The following PLSCR4 variants were observed in gnomAD, a reference collection of about 807,000 sequenced individuals.
PLSCR4 encodes the protein Ca(2+)-dependent phospholipid scramblase 4.
In PLSCR4, 25 loss-of-function variants were observed where a neutral mutation model predicts 36.3. The observed-to-expected ratio is 0.69, with a 90% CI of 0.50 to 0.96. The LOEUF (loss-of-function observed/expected upper bound fraction) is 0.96, where lower values mean the gene tolerates loss of function less well. Among genes scored for constraint, PLSCR4 ranks in the 40% least tolerant of loss-of-function variants. PLSCR4 has a pLI of 0.00. For missense variants in PLSCR4, 408 were observed against 414.7 expected, an observed-to-expected ratio of 0.98 and a Z score of 0.14; for synonymous variants, 122 against 132.9, an observed-to-expected ratio of 0.92 and a Z score of 0.56.
intron 1 of PLSCR4, among the ~76,000 whole-genome samples, chr3:146,232,718 T>C (rs1302788134): frequency 6.6e-6 from 1 of 152,182 alleles, no homozygotes; most frequent in East Asian, 1.9e-4. Flanking sequence ...TGAAGTTGTT[T>C]ATCAGTTCTA....
intron 2 of PLSCR4, 91 bp downstream of exon 2, chr3:146,221,974 A>G (rs1454573280): frequency 3.2e-6 from 2 of 629,640 alleles, no homozygotes; most frequent in Non-Finnish European, 5.2e-6. Flanking sequence ...TAAACAAAAA[A>G]AAATCGAAAT....
At chr3:146,205,775 C>A (rs917372569) in intron 4 of PLSCR4, among the ~76,000 whole-genome samples, 1 of 151,980 alleles carries the variant, frequency 6.6e-6, no homozygotes, top group African/African-American at 2.4e-5. Flanking sequence ...CCTGGTTGAC[C>A]ATTGGTAACT....
At chr3:146,243,209 T>C (rs2036216374) in intron 1 of PLSCR4, among the ~76,000 whole-genome samples, 1 of 152,128 alleles carries the variant, frequency 6.6e-6, no homozygotes, top group Admixed American at 6.5e-5. Flanking sequence ...AAACTCCTGC[T>C]AACAATATGC....
At chr3:146,232,774 T>C (rs978834143) in intron 1 of PLSCR4, among the ~76,000 whole-genome samples, 5 of 152,180 alleles carry the variant, frequency 3.3e-5, no homozygotes, top group African/African-American at 1.2e-4. Context: ...TACAGAATCA[T>C]ATGATCTGTG....
intron 1 of PLSCR4, among the ~76,000 whole-genome samples, chr3:146,236,106 T>A (rs2035904170): frequency 1.3e-5 from 2 of 151,916 alleles, no homozygotes; most frequent in Admixed American, 1.3e-4. Context: ...AAAAAAACCA[T>A]TTTCAGGGGA....
chr3:146,223,958 A>T (rs1559917200), intron 1 of PLSCR4, among the ~76,000 whole-genome samples: 2 of 145,320 alleles, frequency 1.4e-5, no homozygotes, highest in African/African-American at 2.5e-5. Context: ...TAAATAATAA[A>T]TATTTATTTA....
chr3:146,231,705 GTTGT>G (rs1021467813), intron 1 of PLSCR4, among the ~76,000 whole-genome samples: 2 of 151,956 alleles, frequency 1.3e-5, no homozygotes, highest in Non-Finnish European at 2.9e-5. Flanking sequence ...TTTTAATGGG[GTTGT>G]TTTTCACTTG....
intron 3 of PLSCR4, among the ~76,000 whole-genome samples, chr3:146,209,280 G>C (rs915686468): frequency 6.6e-6 from 1 of 151,960 alleles, no homozygotes; most frequent in African/African-American, 2.4e-5. Context: ...ATGGGAAGGG[G>C]GTGAGGGATA....
intron 1 of PLSCR4, among the ~76,000 whole-genome samples, chr3:146,239,558 C>T (rs1354442194): frequency 6.6e-6 from 1 of 150,376 alleles, no homozygotes; most frequent in African/African-American, 2.4e-5. Context: ...CCTACAATAC[C>T]CAATACAAAT....
intron 1 of PLSCR4, among the ~76,000 whole-genome samples, chr3:146,243,967 G>A (rs1331195025): frequency 6.6e-6 from 1 of 152,140 alleles, no homozygotes; most frequent in Admixed American, 6.5e-5. Flanking sequence ...TTCCGACACA[G>A]GCATTCTGGA....
chr3:146,203,949 T>C (rs1449407668), intron 4 of PLSCR4, among the ~76,000 whole-genome samples: 2 of 152,088 alleles, frequency 1.3e-5, no homozygotes, highest in Non-Finnish European at 1.5e-5. Context: ...GCTTTTGGCC[T>C]ATCTCAACTT....
intron 1 of PLSCR4, among the ~76,000 whole-genome samples, chr3:146,247,542 T>C (rs1371460742): frequency 6.6e-6 from 1 of 152,244 alleles, no homozygotes; most frequent in Non-Finnish European, 1.5e-5. Flanking sequence ...TTTTCATTTG[T>C]CTTCTTTATA....
At position 146,193,534 on chromosome 3, in the gene PLSCR4, T is replaced by C. The variant is rs557974880; in HGVS notation, c.*877A>G. On this transcript the variant is annotated 3_prime_UTR_variant, in exon 9 of 9. Coordinates refer to ENST00000354952, the MANE Select transcript of PLSCR4 (RefSeq NM_020353.3). ...AAGGTGTACTAGGCAATCTTAGAGATCTGGCAACTTATTTTATATATAAGG... is the reference window on the plus strand; with the variant it reads ...AAGGTGTACTAGGCAATCTTAGAGACCTGGCAACTTATTTTATATATAAGG... 15 of 152,284 alleles carry C rather than the reference T, an allele frequency of 9.9e-5. No individual in the cohort carries two copies. Among genetic ancestry groups the C allele is most frequent in the African/African-American group, 3.1e-4 (13 of 41,544 alleles). The allele number at this position is 152,284 out of a possible 1,614,324, so 9.4% of individuals were successfully genotyped here.
At chr3:146,244,702 CCT>C (rs1219380233) in intron 1 of PLSCR4, among the ~76,000 whole-genome samples, 2 of 151,996 alleles carry the variant, frequency 1.3e-5, no homozygotes, top group African/African-American at 4.8e-5. Flanking sequence ...CTCCCTATTC[CCT>C]GAGACAAAAC....
intron 1 of PLSCR4, among the ~76,000 whole-genome samples, chr3:146,243,328 CCTGA>C (rs894105376): frequency 6.6e-6 from 1 of 151,886 alleles, no homozygotes; most frequent in Non-Finnish European, 1.5e-5. Flanking sequence ...TCATCATGAT[CCTGA>C]CTATGCTCCA....
chr3:146,216,989 A>G (rs2034927817), intron 3 of PLSCR4, among the ~76,000 whole-genome samples: 1 of 152,150 alleles, frequency 6.6e-6, no homozygotes, highest in Non-Finnish European at 1.5e-5. Context: ...TCCTAATACT[A>G]TCTGAAAACA....
At chr3:146,247,073 G>A (rs1258873462) in intron 1 of PLSCR4, among the ~76,000 whole-genome samples, 1 of 151,898 alleles carries the variant, frequency 6.6e-6, no homozygotes, top group Non-Finnish European at 1.5e-5. Context: ...AAAATGTCTT[G>A]ATGTTAATTA....
chr3:146,197,544 A>G (rs1576446165), intron 6 of PLSCR4, among the ~76,000 whole-genome samples: 1 of 152,188 alleles, frequency 6.6e-6, no homozygotes, highest in East Asian at 1.9e-4. Context: ...TGAAAATTAT[A>G]TATTGTGAAA....
intron 1 of PLSCR4, among the ~76,000 whole-genome samples, chr3:146,236,534 G>C (rs1454638298): frequency 6.6e-6 from 1 of 152,086 alleles, no homozygotes; most frequent in Admixed American, 6.6e-5. Context: ...GGTCTTTTCT[G>C]TGCTGCTTTT....
Sources: gnomAD v4.1 joint callset for allele counts (sites outside exome capture counted in the v4.1 genomes callset) on GRCh38, gnomAD v4.1.1 for gene constraint, MANE v1.5 for transcripts, NCBI Gene and HGNC (gene_info 2026-07-23, HGNC 2026-07-21) for gene names.